SRGAP3: variants seen among roughly 807,000 people sequenced by gnomAD.
SRGAP3 encodes the protein SLIT-ROBO Rho GTPase activating protein 3.
In SRGAP3, 39 loss-of-function variants were observed where a neutral mutation model predicts 121.1. That is an observed-to-expected ratio of 0.32 (90% CI 0.25 to 0.42). The LOEUF is 0.42. Ranked by LOEUF, SRGAP3 falls within the 10% of genes least tolerant of loss-of-function variation. SRGAP3 has a pLI of 1.00. For synonymous variants in SRGAP3, 601 were observed against 570.0 expected, an observed-to-expected ratio of 1.05 and a Z score of -0.77; for missense variants, 1,213 against 1,470.6, an observed-to-expected ratio of 0.82 and a Z score of 2.86.
chr3:9,006,201 C>T (rs1295119922), intron 18 of SRGAP3, among the ~76,000 whole-genome samples: 1 of 152,006 alleles, frequency 6.6e-6, no homozygotes, highest in African/African-American at 2.4e-5. Context: ...GAGATTGAGA[C>T]CTGCCTGGCC....
At chr3:9,212,792 C>T (rs550856098) in intron 1 of SRGAP3, among the ~76,000 whole-genome samples, 1 of 152,316 alleles carries the variant, frequency 6.6e-6, no homozygotes, top group Non-Finnish European at 1.5e-5. Context: ...TCCTCCTGTT[C>T]ATCAGTGTAA....
chr3:8,985,295 C>T lies in SRGAP3; in HGVS notation c.*224G>A. On this transcript the variant is annotated 3_prime_UTR_variant, in exon 22 of 22. Coordinates refer to ENST00000383836, the MANE Select transcript of SRGAP3 (RefSeq NM_014850.4). The surrounding 1 kb of genome is among the most constrained non-coding windows in gnomAD (Gnocchi z 5.1). ...GTGGTTGGGGCTGCTGGAGCTCCAG[C>T]ACTCCTCTGGTCGTCTGTTGACACG... The T allele has an allele frequency of 2.1e-6, 2 of 954,810 alleles. No individual in the cohort carries two copies. Among genetic ancestry groups the T allele is most frequent in the South Asian group, 3.7e-5 (2 of 54,222 alleles). 59.1% of individuals were successfully genotyped at this position (954,810 alleles called of 1,614,324 possible). A position where few individuals can be genotyped will look rare whatever the true frequency, so the allele number is the denominator to read the frequency against.
At chr3:9,247,436 C>T (rs1247749789) in intron 1 of SRGAP3, among the ~76,000 whole-genome samples, 1 of 152,116 alleles carries the variant, frequency 6.6e-6, no homozygotes, top group Non-Finnish European at 1.5e-5. Context: ...GGGCTTTTGA[C>T]CAGGACTAAA....
chr3:9,350,975 G>T (rs1012222102), intron 1 of SRGAP3, among the ~76,000 whole-genome samples: 1 of 152,200 alleles, frequency 6.6e-6, no homozygotes, highest in Non-Finnish European at 1.5e-5. Flanking sequence ...GCTTGCTCAT[G>T]TGACTGTAGT....
intron 3 of SRGAP3, among the ~76,000 whole-genome samples, chr3:9,084,304 A>AAG (rs1340712805): frequency 6.6e-6 from 1 of 152,184 alleles, no homozygotes; most frequent in Non-Finnish European, 1.5e-5. Context: ...ATCCCAACTC[A>AAG]AGACGGTGGA....
intron 14 of SRGAP3, among the ~76,000 whole-genome samples, chr3:9,016,147 T>G (rs1025334602): frequency 6.6e-6 from 1 of 152,180 alleles, no homozygotes; most frequent in African/African-American, 2.4e-5. Context: ...TTATTACACC[T>G]AAGAAAATTA....
chr3:9,184,857 G>A (rs553956925), intron 1 of SRGAP3, among the ~76,000 whole-genome samples: 1 of 152,070 alleles, frequency 6.6e-6, no homozygotes, highest in Admixed American at 6.5e-5. Flanking sequence ...GTATAAATCA[G>A]CTCAGAAGGT....
At position 9,064,719 on chromosome 3, in the gene SRGAP3, C is replaced by A. The variant is rs1946342043; in HGVS notation, c.487-138G>T. On this transcript the variant is annotated intron_variant, in intron 4 of 21. Transcript: ENST00000383836. ...CCCAAAACACACTCTGGGCACCTGC[C>A]TTCCTTTACTTTTGCACAGACTCTC... is the stretch of plus-strand genomic sequence containing the variant. 5 of 894,380 alleles carry A rather than the reference C, an allele frequency of 5.6e-6. No homozygotes were observed. In the Admixed American group the frequency reaches 1.2e-4, roughly 22 times the overall value. 55.4% of individuals were successfully genotyped at this position (894,380 alleles called of 1,614,324 possible).
At chr3:9,191,688 A>G (rs1314063121) in intron 1 of SRGAP3, among the ~76,000 whole-genome samples, 1 of 152,228 alleles carries the variant, frequency 6.6e-6, no homozygotes, top group Admixed American at 6.5e-5. Context: ...ATGGGAGATG[A>G]TATCATTTGG....
intron 2 of SRGAP3, among the ~76,000 whole-genome samples, chr3:9,329,671 G>A (rs920764416): frequency 6.6e-6 from 1 of 152,200 alleles, no homozygotes; most frequent in Non-Finnish European, 1.5e-5. Flanking sequence ...AGGGAGGCCA[G>A]AGCAAGACCC....
In SRGAP3 at chr3:9,046,975, C is replaced by T. The variant is rs539011043; in HGVS notation, c.1408+416G>A. On this transcript the variant is annotated intron_variant, in intron 10 of 21. Coordinates refer to ENST00000383836, the MANE Select transcript of SRGAP3 (RefSeq NM_014850.4). ...CCTCCCGAGTAGCTGGGACTACAGG[C>T]GCCCGCCACCACGCCCGGCTAATTT... Among the ~76,000 whole-genome samples, 426 of 151,948 alleles carry T rather than the reference C, an allele frequency of 2.8e-3. 2 individuals are homozygous for T. Among genetic ancestry groups the T allele is most frequent in the African/African-American group, 9.8e-3 (405 of 41,438 alleles).
In SRGAP3 at chr3:9,060,322, G is replaced by A. The variant is rs1256071261; in HGVS notation, c.710C>T (p.Thr237Ile). 6.2e-7 allele frequency: 1 copy of A among 1,613,812 alleles called. No individual in the cohort carries two copies. The highest frequency in any genetic ancestry group is 1.1e-5 in the South Asian group (1 of 91,084). ...AKYSENKLKC[T>I]KARNDYLLNL... is the part of the protein sequence containing the mutation. ...GAGCAAGTAGTCATTCCGGGCCTTT[G>A]TGCATTTCAGCTTGTTCTCAGAGTA... Residue 237 changes from threonine (T) to isoleucine (I), a missense_variant, in exon 6 of 22, where the codon ACA becomes ATA. Transcript: ENST00000383836.
intron 1 of SRGAP3, among the ~76,000 whole-genome samples, chr3:9,222,361 C>T (rs1245399358): frequency 6.6e-6 from 1 of 152,214 alleles, no homozygotes; most frequent in Non-Finnish European, 1.5e-5. Context: ...CAAACCAGGG[C>T]TCCCTGGCCC....
intron 1 of SRGAP3, among the ~76,000 whole-genome samples, chr3:9,342,275 C>A (rs936726676): frequency 6.6e-6 from 1 of 151,618 alleles, no homozygotes. Context: ...CGCTTGAACC[C>A]GGGAGGCAGA....
At chr3:9,055,669 G>T (rs1325703406) in intron 8 of SRGAP3, among the ~76,000 whole-genome samples, 5 of 152,158 alleles carry the variant, frequency 3.3e-5, no homozygotes, top group African/African-American at 1.2e-4. Context: ...AATACCTACT[G>T]TTATTTCTAA....
At position 8,994,486 on chromosome 3, in the gene SRGAP3, G is replaced by A. The variant is rs1271567870; in HGVS notation, c.2265C>T (p.Tyr755=). 3 of 1,614,020 alleles carry A rather than the reference G, an allele frequency of 1.9e-6. No individual in the cohort carries two copies. The highest frequency in any genetic ancestry group is 1.3e-5 in the African/African-American group (1 of 74,950). ...EQIEAIAKFD[Y]MGRSPRELSF... ...ATAGCTCACGCGGGGACCGCCCCAT[G>A]TAGTCAAACTTGGCAATAGCCTCGA... is the stretch of plus-strand genomic sequence containing the variant. The change falls in exon 19 of 22, where the codon TAC becomes TAT. Residue 755 remains tyrosine (Y), a synonymous_variant. Coordinates refer to ENST00000383836, the MANE Select transcript of SRGAP3 (RefSeq NM_014850.4).
chr3:9,072,283 T>C (rs1403965897), intron 4 of SRGAP3, among the ~76,000 whole-genome samples: 1 of 152,226 alleles, frequency 6.6e-6, no homozygotes, highest in African/African-American at 2.4e-5. Context: ...ATCTCTTCTC[T>C]GGCACCTTCC....
chr3:9,300,547 G>C (rs11706211), intron 3 of SRGAP3, among the ~76,000 whole-genome samples: 16,806 of 152,066 alleles, frequency 0.11, 1,179 homozygotes, highest in South Asian at 0.17. Context: ...ACTCTGAATT[G>C]TTTAAGGACA....
At chr3:9,101,397 G>A (rs1177260889) in intron 3 of SRGAP3, among the ~76,000 whole-genome samples, 1 of 152,232 alleles carries the variant, frequency 6.6e-6, no homozygotes, top group Non-Finnish European at 1.5e-5. Context: ...GGCCTGGCGA[G>A]GCAGAGCCCT....
Sources: gnomAD v4.1 joint callset for allele counts (sites outside exome capture counted in the v4.1 genomes callset) on GRCh38, gnomAD v4.1.1 for gene constraint, Gnocchi (gnomAD v3.1) non-coding constraint, MANE v1.5 for transcripts, NCBI Gene and HGNC (gene_info 2026-07-23, HGNC 2026-07-21) for gene names.